ATXN7L2: variants seen among roughly 807,000 people sequenced by gnomAD.
The protein encoded by ATXN7L2 is ataxin-7-like protein 2.
Under a neutral mutation model 59.6 loss-of-function variants are expected in ATXN7L2, and 17 were observed. That is an observed-to-expected ratio of 0.29 (90% CI 0.20 to 0.43). ATXN7L2 has a LOEUF of 0.43. ATXN7L2 is among the 20% of genes least tolerant of loss of function. ATXN7L2 has a pLI of 1.00. For missense variants in ATXN7L2, 858 were observed against 1,008.9 expected, an observed-to-expected ratio of 0.85 and a Z score of 2.03; for synonymous variants, 378 against 392.5, an observed-to-expected ratio of 0.96 and a Z score of 0.44.
rs781245120 is a variant in ATXN7L2, at chr1:109,489,996, C to T, written c.1200C>T (p.Gly400=). 2 of 1,613,644 alleles carry T rather than the reference C, an allele frequency of 1.2e-6. No homozygotes were observed. Among genetic ancestry groups the T allele is most frequent in the Non-Finnish European group, 1.7e-6 (2 of 1,179,884 alleles). Residue 400 remains glycine (G), a synonymous_variant, in exon 8 of 11, where the codon GGC becomes GGT. Transcript: ENST00000683729. ...EGPCGGDGDP[G]LFPFPMPRGG... ...CCTGTGGTGGTGATGGGGACCCAGGCCTGTTCCCCTTCCCCATGCCCCGGG... is the reference window on the plus strand; with the variant it reads ...CCTGTGGTGGTGATGGGGACCCAGGTCTGTTCCCCTTCCCCATGCCCCGGG...
chr1:109,491,029 C>A lies in ATXN7L2; in HGVS notation c.1562C>A (p.Thr521Asn). 6.2e-7 allele frequency: 1 copy of A among 1,613,780 alleles called. No individual in the cohort carries two copies. Among genetic ancestry groups the A allele is most frequent in the Non-Finnish European group, 8.5e-7 (1 of 1,180,026 alleles). ...ACCTGCCCCCGCCTTCCAGGTCCAA[C>A]CCTGAGACCTGCCTGCCCAGCCTCC... ...TGTCPRLPGPTLRPACPASMP... is the reference protein window; with the variant it reads ...TGTCPRLPGPNLRPACPASMP... Residue 521 changes from threonine to asparagine, a missense_variant, in exon 10 of 11, where the codon ACC becomes AAC. Around this residue, in one of 3 missense-constraint regions of ATXN7L2, gnomAD observed 734 missense variants for 862.3 expected, o/e 0.85. Transcript: ENST00000683729. The surrounding 1 kb of genome is among the most constrained non-coding windows in gnomAD (Gnocchi z 4.1).
Position 109,491,996 on chromosome 1 carries a change from C to G in ATXN7L2, c.2250+279C>G. ...TTTTGCTATAATCAAAGGGCTACTTCTTTCTGAATTGGCTGTGACCCTCAT... is the reference window on the plus strand; with the variant it reads ...TTTTGCTATAATCAAAGGGCTACTTGTTTCTGAATTGGCTGTGACCCTCAT... On this transcript the variant is annotated intron_variant, in intron 10 of 10. Coordinates refer to ENST00000683729, the MANE Select transcript of ATXN7L2 (RefSeq NM_001350175.2). The surrounding 1 kb of genome is among the most constrained non-coding windows in gnomAD (Gnocchi z 4.1). 1 of 1,224,850 alleles carries G rather than the reference C, an allele frequency of 8.2e-7. No homozygotes were observed. The highest frequency in any genetic ancestry group is 1.0e-6 in the Non-Finnish European group (1 of 977,376). 75.9% of individuals were successfully genotyped at this position (1,224,850 alleles called of 1,614,324 possible).
rs768048335 is a variant in ATXN7L2, at chr1:109,491,461, C to T, written c.1994C>T (p.Pro665Leu). ...GGGCCCCTGGACTGTCGTGGCTCCC[C>T]TCATCAGCTCCCCACACCAGTCAAG... is the stretch of plus-strand genomic sequence containing the variant. The part of the protein sequence containing the change: ...RAGPLDCRGS[P>L]HQLPTPVKAS... Residue 665 changes from proline to leucine, a missense_variant, in exon 10 of 11, where the codon CCT becomes CTT. Around this residue, in one of 3 missense-constraint regions of ATXN7L2, gnomAD observed 734 missense variants for 862.3 expected, o/e 0.85. Transcript: ENST00000683729. This position sits in a 1 kb window ranked among gnomAD's most constrained non-coding sequence, Gnocchi z 4.1. 9.9e-6 allele frequency: 16 copies of T among 1,614,034 alleles called. No homozygotes were observed. The Admixed American group carries it at 2.7e-4, about 27-fold the overall frequency.
rs1315123979 is a variant in ATXN7L2 at position 109,487,279 on chromosome 1, A to G, written c.509+62A>G. 5.7e-6 allele frequency: 8 copies of G among 1,400,790 alleles called. No homozygotes were observed. In the East Asian group the frequency reaches 7.7e-5, roughly 13 times the overall value. 86.8% of individuals were successfully genotyped at this position (1,400,790 alleles called of 1,614,324 possible). On this transcript the variant is annotated intron_variant, in intron 4 of 10. Coordinates refer to ENST00000683729, the MANE Select transcript of ATXN7L2 (RefSeq NM_001350175.2). ...GACCCTGACCCATGGATGGGCTGAC[A>G]TCAATACAGACAGCCCTGGGTCAAG... is the stretch of plus-strand genomic sequence containing the variant.
chr1:109,488,737 G>A lies in ATXN7L2; in HGVS notation c.880-110G>A. ...GACACATGAACACAGCTGCAAATAT[G>A]CCCACCTCTCTCCCTGCCCCCCAAC... On this transcript the variant is annotated intron_variant, in intron 6 of 10. Coordinates refer to ENST00000683729, the MANE Select transcript of ATXN7L2 (RefSeq NM_001350175.2). This position sits in a 1 kb window ranked among gnomAD's most constrained non-coding sequence, Gnocchi z 5.0. 7.4e-7 allele frequency: 1 copy of A among 1,346,964 alleles called. No homozygotes were observed. The highest frequency in any genetic ancestry group is 1.0e-6 in the Non-Finnish European group (1 of 975,320). The allele number at this position is 1,346,964 out of a possible 1,614,324, so 83.4% of individuals were successfully genotyped here.
chr1:109,491,802 T>C lies in ATXN7L2; in HGVS notation c.2250+85T>C. ...AGAGAAGATGCTACATTGGTGTTTG[T>C]GCAGGGAAAGGGAGGAAGGGGAAGT... On this transcript the variant is annotated intron_variant, in intron 10 of 10. Coordinates refer to ENST00000683729, the MANE Select transcript of ATXN7L2 (RefSeq NM_001350175.2). This position sits in a 1 kb window ranked among gnomAD's most constrained non-coding sequence, Gnocchi z 4.1. 1.4e-6 allele frequency: 2 copies of C among 1,413,324 alleles called. No homozygotes were observed. Among genetic ancestry groups the C allele is most frequent in the South Asian group, 1.5e-5 (1 of 68,046 alleles). 87.5% of individuals were successfully genotyped at this position (1,413,324 alleles called of 1,614,324 possible). A position where few individuals can be genotyped will look rare whatever the true frequency, so the allele number is the denominator to read the frequency against.
In ATXN7L2 at chr1:109,490,934, G is replaced by A. The variant is rs150647650; in HGVS notation, c.1467G>A (p.Pro489=). Residue 489 remains proline, a synonymous_variant, in exon 10 of 11, where the codon CCG becomes CCA. Transcript: ENST00000683729. ...CTTTTTGCTGCAGGAAGATCCCACC[G>A]GCAGCTGAACCTCCAGCTCACCTTG... is the stretch of plus-strand genomic sequence containing the variant. ...LSTHMWKKIP[P]AAEPPAHLVN... The A allele has an allele frequency of 1.5e-4, 229 of 1,552,466 alleles. No homozygotes were observed. The highest frequency in any genetic ancestry group is 9.1e-4 in the African/African-American group (66 of 72,766).
chr1:109,486,245 G>T lies in ATXN7L2; in HGVS notation c.193+123G>T. The T allele has an allele frequency of 1.4e-6, 2 of 1,403,496 alleles. No individual in the cohort carries two copies. 86.9% of individuals were successfully genotyped at this position (1,403,496 alleles called of 1,614,324 possible). A position where few individuals can be genotyped will look rare whatever the true frequency, so the allele number is the denominator to read the frequency against. ...CTGTCTGGGGACCCTCATTTTGATA[G>T]GTCCGAGTCGGCCGGTTGTTCTGGC... On this transcript the variant is annotated intron_variant, in intron 2 of 10. Coordinates refer to ENST00000683729, the MANE Select transcript of ATXN7L2 (RefSeq NM_001350175.2). This position sits in a 1 kb window ranked among gnomAD's most constrained non-coding sequence, Gnocchi z 4.3.
At chr1:109,487,407 G>C in intron 4 of ATXN7L2, 111 bp from the exon 5 acceptor site, 1 of 1,258,344 alleles carries the variant, frequency 7.9e-7, no homozygotes, top group Non-Finnish European at 1.1e-6. Context: ...ACCCCTGCTG[G>C]AGCCCACCCA....
rs368221935 is a variant in ATXN7L2, at chr1:109,491,063, C to A, written c.1596C>A (p.Pro532=). Residue 532 remains proline, a synonymous_variant, in exon 10 of 11, where the codon CCC becomes CCA. Transcript: ENST00000683729. The surrounding 1 kb of genome is among the most constrained non-coding windows in gnomAD (Gnocchi z 4.1). ...LRPACPASMP[P]TKDNLVPSYP... is the part of the protein sequence containing the mutation. ...CTGCCTGCCCAGCCTCCATGCCCCC[C>A]ACCAAGGACAACCTTGTCCCCAGCT... The A allele has an allele frequency of 2.5e-6, 4 of 1,613,748 alleles. No individual in the cohort carries two copies. The highest frequency in any genetic ancestry group is 2.7e-5 in the African/African-American group (2 of 75,056).
chr1:109,492,609 T>C lies in ATXN7L2; in HGVS notation c.*9T>C. On this transcript the variant is annotated 3_prime_UTR_variant, in exon 11 of 11. Transcript: ENST00000683729. ...AGTCAAAAGCCCATTAACGAGAAAG[T>C]GCCTGCCCACTGCAACGGAGCCGCC... 1 of 1,613,506 alleles carries C rather than the reference T, an allele frequency of 6.2e-7. No individual in the cohort carries two copies. The highest frequency in any genetic ancestry group is 1.1e-5 in the South Asian group (1 of 91,034).
At chr1:109,484,709 G>A (rs1381200572) in intron 1 of ATXN7L2, among the ~76,000 whole-genome samples, 1 of 152,132 alleles carries the variant, frequency 6.6e-6, no homozygotes, top group Non-Finnish European at 1.5e-5. Context: ...AGGCCCCTGA[G>A]TGCCTTAGTG....
Position 109,491,145 on chromosome 1 carries a change from G to T in ATXN7L2, c.1678G>T (p.Gly560Trp). 6.2e-7 allele frequency: 1 copy of T among 1,613,576 alleles called. No homozygotes were observed. Among genetic ancestry groups the T allele is most frequent in the Non-Finnish European group, 8.5e-7 (1 of 1,179,952 alleles). ...AACSQAECMGGSQAITSPLPA... is the reference protein window; with the variant it reads ...AACSQAECMGWSQAITSPLPA... Reference sequence around the variant, plus strand: ...CTGTAGCCAGGCAGAGTGCATGGGCGGGAGCCAGGCTATCACCTCACCACT... The same window carrying T: ...CTGTAGCCAGGCAGAGTGCATGGGCTGGAGCCAGGCTATCACCTCACCACT... The change falls in exon 10 of 11, where the codon GGG (glycine) becomes TGG (tryptophan). Residue 560 changes from glycine (G) to tryptophan (W), a missense_variant. Gly to Trp is a radical substitution (Grantham distance 184). Transcript: ENST00000683729. This position sits in a 1 kb window ranked among gnomAD's most constrained non-coding sequence, Gnocchi z 4.1.
chr1:109,491,149 G>C lies in ATXN7L2; in HGVS notation c.1682G>C (p.Ser561Thr), dbSNP rs1489369912. 3.7e-6 allele frequency: 6 copies of C among 1,613,500 alleles called. No individual in the cohort carries two copies. In the African/African-American group the frequency reaches 6.7e-5, roughly 18 times the overall value. ...ACSQAECMGG[S>T]QAITSPLPAN... ...AGCCAGGCAGAGTGCATGGGCGGGA[G>C]CCAGGCTATCACCTCACCACTGCCT... The change falls in exon 10 of 11, where the codon AGC becomes ACC. Residue 561 changes from serine (S) to threonine (T), a missense_variant. This residue lies in a region of ATXN7L2 where 734 missense variants were observed against 862.3 expected (regional missense o/e 0.85). Transcript: ENST00000683729. The surrounding 1 kb of genome is among the most constrained non-coding windows in gnomAD (Gnocchi z 4.1).
intron 5 of ATXN7L2, 95 bp downstream of exon 5, chr1:109,487,899 T>C (rs905695614): frequency 7.1e-6 from 10 of 1,405,886 alleles, no homozygotes; most frequent in Admixed American, 2.7e-5. Flanking sequence ...GTCAGGTTTA[T>C]GGGCCTGGCC....
rs1198117398 is a variant in ATXN7L2 at position 109,487,572 on chromosome 1, T to A, written c.564T>A (p.Asp188Glu). ...LEKMSSLPKP[D>E]GHGIRVAPPS... ...AGATGTCCAGTCTCCCGAAGCCTGA[T>A]GGACATGGAATCAGGGTGGCCCCAC... The change falls in exon 5 of 11, where the codon GAT becomes GAA. Residue 188 changes from aspartate (D) to glutamate (E), a missense_variant. Asp to Glu is a conservative substitution (Grantham distance 45). Around this residue, in one of 3 missense-constraint regions of ATXN7L2, gnomAD observed 734 missense variants for 862.3 expected, o/e 0.85. Coordinates refer to ENST00000683729, the MANE Select transcript of ATXN7L2 (RefSeq NM_001350175.2). 6.5e-7 allele frequency: 1 copy of A among 1,531,700 alleles called. No individual in the cohort carries two copies. Among genetic ancestry groups the A allele is most frequent in the Non-Finnish European group, 8.8e-7 (1 of 1,141,078 alleles). 94.9% of individuals were successfully genotyped at this position (1,531,700 alleles called of 1,614,324 possible). A position where few individuals can be genotyped will look rare whatever the true frequency, so the allele number is the denominator to read the frequency against.
intron 1 of ATXN7L2, chr1:109,485,719 A>G (rs896571674): frequency 5.8e-6 from 6 of 1,027,108 alleles, no homozygotes; most frequent in Non-Finnish European, 7.0e-6. Context: ...TCACCCAACT[A>G]GTTAGCAGTG....
At chr1:109,487,465 C>T in intron 4 of ATXN7L2, 53 bp from the exon 5 acceptor site, 1 of 1,440,608 alleles carries the variant, frequency 6.9e-7, no homozygotes, top group East Asian at 2.5e-5. Context: ...GTCCAGGCCC[C>T]AGGCCTCGCC....
Position 109,491,414 on chromosome 1 carries a change from G to A in ATXN7L2, c.1947G>A (p.Met649Ile). ...TALSMGLNGT[M>I]GPRVKRAGPL... is the part of the protein sequence containing the mutation. ...TGAGCATGGGGCTTAATGGGACAAT[G>A]GGGCCAAGAGTGAAGCGGGCAGGGC... The change falls in exon 10 of 11, where the codon ATG becomes ATA. Residue 649 changes from methionine (M) to isoleucine (I), a missense_variant. Physicochemically the swap from Met to Ile is conservative, Grantham distance 10. Coordinates refer to ENST00000683729, the MANE Select transcript of ATXN7L2 (RefSeq NM_001350175.2). The surrounding 1 kb of genome is among the most constrained non-coding windows in gnomAD (Gnocchi z 4.1). The A allele has an allele frequency of 6.2e-7, 1 of 1,614,230 alleles. No homozygotes were observed.
Sources: allele counts gnomAD v4.1 joint callset (sites outside exome capture counted in the v4.1 genomes callset), GRCh38; gene constraint gnomAD v4.1.1; regional missense constraint gnomAD v4.1.1; non-coding constraint Gnocchi (gnomAD v3.1); transcripts MANE v1.5; gene names NCBI Gene and HGNC (gene_info 2026-07-23, HGNC 2026-07-21).